The following SNX25 variants were observed in gnomAD, a reference collection of about 807,000 sequenced individuals.
SNX25 encodes the protein sorting nexin-25.
A neutral mutation model predicts 113.7 loss-of-function variants in SNX25; 62 were observed. That is an observed-to-expected ratio of 0.55 (90% CI 0.44 to 0.67). The LOEUF is 0.67. SNX25 is among the 30% of genes least tolerant of loss of function. The pLI is 0.00. For synonymous variants in SNX25, 421 were observed against 436.2 expected (o/e 0.97, Z 0.43); for missense variants, 1,014 against 1,161.0 (o/e 0.87, Z 1.84).
chr4:185,208,274 C>T (rs892268198), upstream of SNX25, among the ~76,000 whole-genome samples: 7 of 151,992 alleles, frequency 4.6e-5, no homozygotes, highest in African/African-American at 1.2e-4. Context: ...CCTCAGCCTC[C>T]GAAAGTGTAG....
At chr4:185,288,682 G>T (rs1751718491) in intron 6 of SNX25, among the ~76,000 whole-genome samples, 1 of 152,092 alleles carries the variant, frequency 6.6e-6, no homozygotes. Flanking sequence ...AGTGAAGTAA[G>T]ATTCTTTCCC....
intron 3 of SNX25, among the ~76,000 whole-genome samples, chr4:185,259,510 T>A (rs1746933731): frequency 1.3e-5 from 2 of 152,192 alleles, no homozygotes. Flanking sequence ...TACTCAATAT[T>A]GGAGCTTCTG....
intron 9 of SNX25, among the ~76,000 whole-genome samples, chr4:185,329,379 A>C (rs1464079591): frequency 6.6e-6 from 1 of 152,100 alleles, no homozygotes; most frequent in Non-Finnish European, 1.5e-5. Flanking sequence ...ACTGGTGAGA[A>C]GAGGCCGAGG....
chr4:185,212,491 G>GTTTTTTTTTTTTT (rs61204525), intron 1 of SNX25, among the ~76,000 whole-genome samples: 1 of 104,940 alleles, frequency 9.5e-6, no homozygotes, highest in African/African-American at 3.7e-5. Flanking sequence ...GTGTGTGTGT[G>GTTTTTTTTTTTTT]TTTTTTTTTT....
intron 5 of SNX25, among the ~76,000 whole-genome samples, chr4:185,280,739 T>C (rs1177118667): frequency 6.6e-6 from 1 of 152,242 alleles, no homozygotes; most frequent in Admixed American, 6.5e-5. Context: ...TGAGAAACTT[T>C]GTTTTCAAAA....
chr4:185,352,739 G>A (rs887069186), intron 14 of SNX25, among the ~76,000 whole-genome samples: 5 of 152,078 alleles, frequency 3.3e-5, no homozygotes, highest in South Asian at 4.2e-4. Context: ...TCCTCTGCTC[G>A]CCTGATGTAA....
chr4:185,316,487 A>G (rs2095075427), intron 7 of SNX25, among the ~76,000 whole-genome samples: 1 of 152,328 alleles, frequency 6.6e-6, no homozygotes, highest in Non-Finnish European at 1.5e-5. Flanking sequence ...TTGAAAACAA[A>G]AAGTCTGTGT....
At chr4:185,290,447 A>G (rs1012415009) in intron 6 of SNX25, among the ~76,000 whole-genome samples, 2 of 152,202 alleles carry the variant, frequency 1.3e-5, no homozygotes, top group African/African-American at 4.8e-5. Flanking sequence ...GGGACAGGAA[A>G]CACTGGACAC....
chr4:185,283,894 C>CT (rs1464554741), intron 5 of SNX25, among the ~76,000 whole-genome samples: 13 of 152,166 alleles, frequency 8.5e-5, no homozygotes, highest in Admixed American at 3.3e-4. Context: ...TTAAAAAAAT[C>CT]TTTAACTCTT....
At chr4:185,233,703 T>A (rs947055174) in intron 1 of SNX25, among the ~76,000 whole-genome samples, 4 of 152,228 alleles carry the variant, frequency 2.6e-5, no homozygotes, top group African/African-American at 9.6e-5. Flanking sequence ...TTCAAGTGTT[T>A]GTCTGATTTG....
At chr4:185,282,698 A>G (rs1253275626) in intron 5 of SNX25, among the ~76,000 whole-genome samples, 1 of 152,200 alleles carries the variant, frequency 6.6e-6, no homozygotes, top group Admixed American at 6.5e-5. Flanking sequence ...ATCTTGCCAG[A>G]GTTGGAAAGC....
chr4:185,320,621 C>A, intron 7 of SNX25, 112 bp from the exon 8 acceptor site: 5 of 704,164 alleles, frequency 7.1e-6, no homozygotes, highest in South Asian at 6.5e-5. Flanking sequence ...TACTTTATTC[C>A]TTTAAAAAAT....
At chr4:185,378,025 G>T in the SNX25 span, 2 of 1,383,810 alleles carry the variant, frequency 1.4e-6, no homozygotes, top group Non-Finnish European at 2.0e-6. Context: ...GCTCTAGCAT[G>T]CAAAATGAAC....
chr4:185,257,939 A>G (rs529999056), intron 2 of SNX25, among the ~76,000 whole-genome samples: 2 of 152,342 alleles, frequency 1.3e-5, no homozygotes, highest in South Asian at 2.1e-4. Context: ...CAGAAACCAC[A>G]CTGTAATTGA....
chr4:185,362,322 T>C, intron 17 of SNX25: 1 of 985,404 alleles, frequency 1.0e-6, no homozygotes, highest in Non-Finnish European at 1.2e-6. Flanking sequence ...AACTTTGTGT[T>C]TTGGAAATCC....
chr4:185,216,952 T>C (rs1280286115), intron 1 of SNX25, among the ~76,000 whole-genome samples: 1 of 152,222 alleles, frequency 6.6e-6, no homozygotes, highest in Non-Finnish European at 1.5e-5. Flanking sequence ...AGTGAGTATA[T>C]GAGATGACTC....
At chr4:185,360,692 T>G (rs1378530294) in intron 16 of SNX25, among the ~76,000 whole-genome samples, 1 of 152,094 alleles carries the variant, frequency 6.6e-6, no homozygotes, top group Non-Finnish European at 1.5e-5. Context: ...CTCACGCCTG[T>G]AATCCCAGCA....
chr4:185,276,142 A>G (rs1201541540), intron 5 of SNX25, among the ~76,000 whole-genome samples: 1 of 152,232 alleles, frequency 6.6e-6, no homozygotes, highest in Non-Finnish European at 1.5e-5. Flanking sequence ...AAAGAAGTTT[A>G]TGATCTCTGA....
downstream of SNX25, chr4:185,370,282 A>C: frequency 5.6e-6 from 1 of 177,056 alleles, no homozygotes; most frequent in Non-Finnish European, 1.2e-5. Flanking sequence ...TCTGTACTAG[A>C]ATAAAAAACT....
Sources: allele counts gnomAD v4.1 joint callset (sites outside exome capture counted in the v4.1 genomes callset), GRCh38; gene constraint gnomAD v4.1.1; transcripts MANE v1.5; gene names NCBI Gene and HGNC (gene_info 2026-07-23, HGNC 2026-07-21).